The following USP15 variants were observed in gnomAD, a reference collection of about 807,000 sequenced individuals.
USP15 encodes the protein ubiquitin specific peptidase 15.
USP15 carries 18 observed loss-of-function variants against 127.1 expected under a neutral mutation model. The ratio of observed to expected loss-of-function variants is 0.14; its 90% CI spans 0.10 to 0.21. The LOEUF (loss-of-function observed/expected upper bound fraction) is 0.21. Ranked by LOEUF, USP15 falls within the 10% of genes least tolerant of loss-of-function variation. USP15 has a pLI of 1.00. For missense variants in USP15, 805 were observed against 1,159.9 expected (o/e 0.69, Z 4.44); for synonymous variants, 364 against 393.7 (o/e 0.92, Z 0.89).
chr12:62,338,772 A>C (rs117197081), intron 6 of USP15, among the ~76,000 whole-genome samples: 1,674 of 152,232 alleles, frequency 0.011, 15 homozygotes, highest in Non-Finnish European at 0.017. Flanking sequence ...GTAAGATCAC[A>C]TGGTTGTAGA....
chr12:62,384,322 G>GT lies in USP15; in HGVS notation c.1473+24dup, dbSNP rs774864569. 1.0e-4 allele frequency: 96 copies of GT among 918,894 alleles called. No homozygotes were observed. The highest frequency in any genetic ancestry group is 5.5e-4 in the South Asian group (19 of 34,388). 56.9% of individuals were successfully genotyped at this position (918,894 alleles called of 1,614,324 possible). A position where few individuals can be genotyped will look rare whatever the true frequency, so the allele number is the denominator to read the frequency against. Reference sequence around the variant, plus strand: ...ATGCAGGTAAATCATGGGTTGGTTTGTTTTGTTTTTTTTTTTTTTTTTTTG... The same window carrying GT: ...ATGCAGGTAAATCATGGGTTGGTTTGTTTTTGTTTTTTTTTTTTTTTTTTTG... On this transcript the variant is annotated intron_variant, in intron 11 of 21. Coordinates refer to ENST00000280377, the MANE Select transcript of USP15 (RefSeq NM_001252078.2).
intron 6 of USP15, among the ~76,000 whole-genome samples, chr12:62,343,876 C>T (rs986589235): frequency 6.6e-6 from 1 of 152,134 alleles, no homozygotes; most frequent in African/African-American, 2.4e-5. Context: ...ATTTTTAAAA[C>T]CATCAGATCT....
intron 1 of USP15, among the ~76,000 whole-genome samples, chr12:62,288,374 G>T: frequency 8.1e-6 from 1 of 123,086 alleles, no homozygotes; most frequent in Non-Finnish European, 1.7e-5. Context: ...GGTAGCTTTG[G>T]TAAATGAAAC....
chr12:62,353,631 A>G (rs2066027952), intron 7 of USP15, among the ~76,000 whole-genome samples: 1 of 152,062 alleles, frequency 6.6e-6, no homozygotes, highest in Admixed American at 6.6e-5. Context: ...AAAATAATAT[A>G]CAGCAGATCT....
intron 2 of USP15, among the ~76,000 whole-genome samples, chr12:62,301,834 G>A (rs552164695): frequency 2.0e-5 from 3 of 152,090 alleles, no homozygotes; most frequent in Admixed American, 6.6e-5. Context: ...TTTGCTTTCC[G>A]TATCTGTTAA....
rs760179099 is a variant in USP15, at chr12:62,405,379, T to C, written c.*1004T>C. The C allele has an allele frequency of 2.6e-5, 4 of 152,554 alleles. No homozygotes were observed. Among genetic ancestry groups the C allele is most frequent in the Admixed American group, 6.5e-5 (1 of 15,274 alleles). The allele number at this position is 152,554 out of a possible 1,614,324, so 9.5% of individuals were successfully genotyped here. On this transcript the variant is annotated 3_prime_UTR_variant, in exon 22 of 22. Transcript: ENST00000280377. ...GCTATAAAGGTAGGTCTGTTAACTT[T>C]CTTTGTGTGTTCCTGATGGAATTCA...
At position 62,407,218 on chromosome 12, in the gene USP15, G is replaced by T. The variant is rs2067897957; in HGVS notation, c.*2843G>T. On this transcript the variant is annotated 3_prime_UTR_variant, in exon 22 of 22. Coordinates refer to ENST00000280377, the MANE Select transcript of USP15 (RefSeq NM_001252078.2). ...CAACAGCTATGAGGTAGGGATAGTT[G>T]TCATCCCCATTTTTCATATGAAGAA... 1 of 152,144 alleles carries T rather than the reference G, an allele frequency of 6.6e-6. No homozygotes were observed. The highest frequency in any genetic ancestry group is 2.4e-5 in the African/African-American group (1 of 41,426). 9.4% of individuals were successfully genotyped at this position (152,144 alleles called of 1,614,324 possible). A position where few individuals can be genotyped will look rare whatever the true frequency, so the allele number is the denominator to read the frequency against.
chr12:62,294,065 C>A, intron 1 of USP15, 114 bp from the exon 2 acceptor site: 1 of 1,100,662 alleles, frequency 9.1e-7, no homozygotes, highest in Non-Finnish European at 1.3e-6. Context: ...TTTCAAATAT[C>A]CTTTGAAGTA....
intron 6 of USP15, among the ~76,000 whole-genome samples, chr12:62,337,672 C>G (rs1011386343): frequency 6.6e-6 from 1 of 151,498 alleles, no homozygotes; most frequent in Non-Finnish European, 1.5e-5. Context: ...GTTGTTCCCC[C>G]TCCCTGTGTC....
intron 6 of USP15, chr12:62,328,279 T>C: frequency 2.2e-6 from 1 of 453,342 alleles, no homozygotes; most frequent in South Asian, 1.6e-5. Context: ...GCAATCTTTT[T>C]TAAATGTTTT....
chr12:62,408,143 C>T lies in USP15; in HGVS notation c.*3768C>T, dbSNP rs375357116. On this transcript the variant is annotated 3_prime_UTR_variant, in exon 22 of 22. Coordinates refer to ENST00000280377, the MANE Select transcript of USP15 (RefSeq NM_001252078.2). ...AAGCCGGGAGACTGAAATGGAGTCT[C>T]CTTCAGTGGTACACCAAAGGGAGTG... 6.6e-6 allele frequency: 1 copy of T among 151,886 alleles called. No homozygotes were observed. The highest frequency in any genetic ancestry group is 1.5e-5 in the Non-Finnish European group (1 of 67,976). 9.4% of individuals were successfully genotyped at this position (151,886 alleles called of 1,614,324 possible). A position where few individuals can be genotyped will look rare whatever the true frequency, so the allele number is the denominator to read the frequency against.
chr12:62,396,213 TCAAA>T (rs1418456925), intron 19 of USP15, 78 bp from the exon 20 acceptor site: 2 of 1,034,748 alleles, frequency 1.9e-6, no homozygotes, highest in East Asian at 2.8e-5. Context: ...TATATGTATG[TCAAA>T]CAACAATGGC....
intron 7 of USP15, among the ~76,000 whole-genome samples, chr12:62,351,796 G>A (rs2065974309): frequency 6.6e-6 from 1 of 151,888 alleles, no homozygotes; most frequent in Non-Finnish European, 1.5e-5. Flanking sequence ...CCATGAAGCT[G>A]TGAACCATTT....
chr12:62,285,921 T>C (rs2063773019), intron 1 of USP15, among the ~76,000 whole-genome samples: 1 of 152,184 alleles, frequency 6.6e-6, no homozygotes, highest in African/African-American at 2.4e-5. Context: ...ATTCCTTTTC[T>C]TCTGCATCCT....
At chr12:62,265,172 T>C (rs914108368) in intron 1 of USP15, among the ~76,000 whole-genome samples, 1 of 152,244 alleles carries the variant, frequency 6.6e-6, no homozygotes, top group African/African-American at 2.4e-5. Flanking sequence ...TAAGGCTTTT[T>C]TTCCTAAATT....
chr12:62,310,804 A>G (rs886938158), intron 3 of USP15, among the ~76,000 whole-genome samples: 3 of 151,776 alleles, frequency 2.0e-5, no homozygotes, highest in African/African-American at 7.3e-5. Context: ...GAATCTCCAC[A>G]CTGTTTTCTG....
chr12:62,404,210 A>G lies in USP15; in HGVS notation c.2781A>G (p.Val927=), dbSNP rs187705292. The part of the protein sequence containing the change: ...EDQIVSKAAY[V]LFYQRQDTFS... ...TTTGACAGTCCAAAGCAGCATATGT[A>G]CTCTTCTACCAGAGACAAGACACTT... The change falls in exon 22 of 22, where the codon GTA becomes GTG. Residue 927 remains valine, a synonymous_variant. Transcript: ENST00000280377. The G allele has an allele frequency of 1.9e-6, 3 of 1,612,442 alleles. No homozygotes were observed. The highest frequency in any genetic ancestry group is 1.7e-5 in the Admixed American group (1 of 59,886).
intron 6 of USP15, among the ~76,000 whole-genome samples, chr12:62,330,987 G>A (rs1307768236): frequency 4.6e-5 from 7 of 150,704 alleles, no homozygotes; most frequent in African/African-American, 1.5e-4. Context: ...TGTTAGCTTA[G>A]GCAAATTTAA....
chr12:62,276,047 T>C (rs995351291), intron 1 of USP15, among the ~76,000 whole-genome samples: 1 of 152,116 alleles, frequency 6.6e-6, no homozygotes, highest in Non-Finnish European at 1.5e-5. Flanking sequence ...CCAGATAATA[T>C]TAACATTATG....
Sources: allele counts gnomAD v4.1 joint callset (sites outside exome capture counted in the v4.1 genomes callset), GRCh38; gene constraint gnomAD v4.1.1; transcripts MANE v1.5; gene names NCBI Gene and HGNC (gene_info 2026-07-23, HGNC 2026-07-21).